The following RBBP8 variants were observed in gnomAD, a reference collection of about 807,000 sequenced individuals.
RBBP8 encodes DNA endonuclease RBBP8.
A neutral mutation model predicts 108.3 loss-of-function variants in RBBP8; 88 were observed. That is an observed-to-expected ratio of 0.81 (90% CI 0.68 to 0.97). The LOEUF (loss-of-function observed/expected upper bound fraction) is 0.97. Among genes scored for constraint, RBBP8 ranks in the 50% least tolerant of loss-of-function variants. The pLI is 0.00. For missense variants in RBBP8, 1,023 were observed against 1,049.0 expected (o/e 0.98, Z 0.34); for synonymous variants, 332 against 348.2 (o/e 0.95, Z 0.52).
intron 4 of RBBP8, among the ~76,000 whole-genome samples, chr18:22,954,646 G>A (rs1912349968): frequency 1.3e-5 from 2 of 152,168 alleles, no homozygotes; most frequent in Admixed American, 1.3e-4. Context: ...GGGGTCTGGA[G>A]GATGATGGCC....
upstream of RBBP8, among the ~76,000 whole-genome samples, chr18:22,931,314 C>T (rs1350239738): frequency 6.6e-6 from 1 of 151,956 alleles, no homozygotes; most frequent in Non-Finnish European, 1.5e-5. Context: ...GACCAGAGGA[C>T]AGAAAATGTC....
At chr18:22,993,922 A>G (rs1322687356) in intron 12 of RBBP8, 75 bp downstream of exon 12, 2 of 1,473,400 alleles carry the variant, frequency 1.4e-6, no homozygotes, top group African/African-American at 2.8e-5. Flanking sequence ...TTTTTTAAAT[A>G]GATTGAATTG....
At position 22,982,291 on chromosome 18, in the gene RBBP8, T is replaced by C; in HGVS notation, c.502T>C (p.Phe168Leu). Residue 168 changes from phenylalanine to leucine, a missense_variant, in exon 7 of 19, where the codon TTC becomes CTC. Coordinates refer to ENST00000327155, the MANE Select transcript of RBBP8 (RefSeq NM_002894.3). ...DVIPDSPITA[F>L]SFSGVNRLRR... ...TATTCCAGATTCACCGATAACAGCC[T>C]TCTCATTTTCTGGCGTTAACCGGCT... 2 of 1,614,182 alleles carry C rather than the reference T, an allele frequency of 1.2e-6. No individual in the cohort carries two copies. Among genetic ancestry groups the C allele is most frequent in the East Asian group, 4.5e-5 (2 of 44,878 alleles).
At chr18:22,927,656 CAT>C (rs1909841598) in intron 3 of RBBP8, among the ~76,000 whole-genome samples, 1 of 151,954 alleles carries the variant, frequency 6.6e-6, no homozygotes, top group South Asian at 2.1e-4. Context: ...ATATTGATTA[CAT>C]GTTTAAATAA....
chr18:22,992,770 A>T lies in RBBP8; in HGVS notation c.943A>T (p.Thr315Ser). 1 of 1,592,478 alleles carries T rather than the reference A, an allele frequency of 6.3e-7. No homozygotes were observed. The highest frequency in any genetic ancestry group is 8.6e-7 in the Non-Finnish European group (1 of 1,161,074). Residue 315 changes from threonine to serine, a missense_variant, in exon 11 of 19, where the codon ACT becomes TCT. Coordinates refer to ENST00000327155, the MANE Select transcript of RBBP8 (RefSeq NM_002894.3). ...TAGATTTTCAGATTCTACTTCAAAG[A>T]CTCCTCCTCAAGAAGAATTACCTAC... The part of the protein sequence containing the change: ...SLRFSDSTSK[T>S]PPQEELPTRV...
chr18:22,921,554 C>T (rs890132761), intron 3 of RBBP8, among the ~76,000 whole-genome samples: 1 of 152,186 alleles, frequency 6.6e-6, no homozygotes, highest in Non-Finnish European at 1.5e-5. Context: ...TCCGATACAT[C>T]ATGTTATAGG....
intron 2 of RBBP8, among the ~76,000 whole-genome samples, chr18:22,915,817 T>C (rs994787209): frequency 3.3e-5 from 5 of 149,806 alleles, no homozygotes; most frequent in African/African-American, 1.3e-4. Flanking sequence ...TTATTGAGCA[T>C]TTTTTATGTT....
At chr18:22,994,498 C>T (rs924276061) in intron 12 of RBBP8, among the ~76,000 whole-genome samples, 5 of 148,778 alleles carry the variant, frequency 3.4e-5, no homozygotes, top group African/African-American at 1.2e-4. Context: ...AAAAATAAGC[C>T]AGGCATGGTG....
At chr18:22,990,863 T>A in intron 9 of RBBP8, 74 bp from the exon 10 acceptor site, 2 of 1,101,586 alleles carry the variant, frequency 1.8e-6, no homozygotes. Context: ...TCATAACATA[T>A]ATCAGTACTT....
chr18:22,936,702 A>T, intron 1 of RBBP8, 52 bp from the exon 2 acceptor site: 2 of 807,860 alleles, frequency 2.5e-6, no homozygotes, highest in South Asian at 3.1e-5. Flanking sequence ...CTGATTTCAA[A>T]GTACATAAAG....
intron 2 of RBBP8, among the ~76,000 whole-genome samples, chr18:22,938,622 G>A (rs1910783525): frequency 6.6e-6 from 1 of 152,152 alleles, no homozygotes; most frequent in East Asian, 1.9e-4. Context: ...ATGAGATAGT[G>A]GAAAACGTAT....
chr18:22,956,537 G>A (rs1011015350), intron 4 of RBBP8, among the ~76,000 whole-genome samples: 6 of 152,028 alleles, frequency 3.9e-5, no homozygotes, highest in Non-Finnish European at 7.4e-5. Flanking sequence ...GTCTTGCTGC[G>A]TTGATCATAG....
At chr18:22,961,734 A>G (rs1229703236) in intron 4 of RBBP8, among the ~76,000 whole-genome samples, 1 of 152,226 alleles carries the variant, frequency 6.6e-6, no homozygotes, top group African/African-American at 2.4e-5. Context: ...CAGTTCTTCC[A>G]GGGAAGCCAA....
At position 22,949,697 on chromosome 18, in the gene RBBP8, A is replaced by G; in HGVS notation, c.232A>G (p.Lys78Glu). Residue 78 changes from lysine to glutamate, a missense_variant, in exon 4 of 19, where the codon AAA becomes GAA. By Grantham distance (56) the Lys-to-Glu change is moderately conservative. Coordinates refer to ENST00000327155, the MANE Select transcript of RBBP8 (RefSeq NM_002894.3). Reference sequence around the variant, plus strand: ...GCAGAAAGTCCTTCATGAAACCATTAAAGTTTTAGAAGATCGGTGAGTCTG... The same window carrying G: ...GCAGAAAGTCCTTCATGAAACCATTGAAGTTTTAGAAGATCGGTGAGTCTG... ...EQQKVLHETI[K>E]VLEDRLRAGL... 2 of 1,611,632 alleles carry G rather than the reference A, an allele frequency of 1.2e-6. No individual in the cohort carries two copies. The highest frequency in any genetic ancestry group is 2.2e-5 in the East Asian group (1 of 44,792).
At chr18:23,006,288 A>G in intron 15 of RBBP8, 75 bp from the exon 16 acceptor site, 1 of 1,345,816 alleles carries the variant, frequency 7.4e-7, no homozygotes, top group Non-Finnish European at 1.1e-6. Context: ...AGTGCGTGTC[A>G]TTTTCTTCCA....
intron 1 of RBBP8, among the ~76,000 whole-genome samples, chr18:22,936,045 A>G (rs1468569588): frequency 6.6e-6 from 1 of 152,158 alleles, no homozygotes; most frequent in Non-Finnish European, 1.5e-5. Context: ...TTAAGTCAAG[A>G]CTAAGAATAT....
chr18:22,970,253 G>A (rs1913972942), intron 5 of RBBP8, among the ~76,000 whole-genome samples: 3 of 152,096 alleles, frequency 2.0e-5, no homozygotes, highest in African/African-American at 7.2e-5. Context: ...AGAACTCACA[G>A]ATATAGAAGG....
Position 23,016,832 on chromosome 18 carries a change from AC to A in RBBP8, c.2363del (p.Thr788IlefsTer113). 6.2e-7 allele frequency: 1 copy of A among 1,610,920 alleles called. No homozygotes were observed. Among genetic ancestry groups the A allele is most frequent in the Admixed American group, 1.7e-5 (1 of 60,008 alleles). On this transcript the variant is annotated frameshift_variant, in exon 17 of 19. Transcript: ENST00000327155. LOFTEE classifies it high-confidence loss of function. ...TTTAATTCATTTTTCCCCCAGAGAG[AC>A]TAGCTTGCAAAATTTTCCTCATATT... ...EPYFKGDERE[T>X]SLQNFPHIEV...
In RBBP8 at chr18:23,001,702, T is replaced by C; in HGVS notation, c.2260T>C (p.Leu754=). ...CCAAGCAGCAGATGAAGAGGAGGAA[T>C]TGTCTACTGCCACAAAGAAACTACA... ...FSQAADEEEE[L]STATKKLHTH... Residue 754 remains leucine, a synonymous_variant, in exon 15 of 19, where the codon TTG becomes CTG. Coordinates refer to ENST00000327155, the MANE Select transcript of RBBP8 (RefSeq NM_002894.3). 6.2e-7 allele frequency: 1 copy of C among 1,614,164 alleles called. No homozygotes were observed.
Sources: allele counts gnomAD v4.1 joint callset (sites outside exome capture counted in the v4.1 genomes callset), GRCh38; gene constraint gnomAD v4.1.1; transcripts MANE v1.5; gene names NCBI Gene and HGNC (gene_info 2026-07-23, HGNC 2026-07-21).